KLHL25: variants seen among roughly 807,000 people sequenced by gnomAD.
The protein encoded by KLHL25 is kelch like family member 25, also known as kelch-like protein 25.
KLHL25 carries 41 observed loss-of-function variants against 30.0 expected under a neutral mutation model. The ratio of observed to expected loss-of-function variants is 1.37; its 90% CI spans 1.07 to 1.78. KLHL25 has a LOEUF of 1.78. Ranked by LOEUF, KLHL25 falls within the 40% of genes most tolerant of loss-of-function variation. The probability of loss-of-function intolerance (pLI) is 0.00; values close to 1 mark genes in which losing one functional copy is unlikely to be tolerated. For missense variants in KLHL25, 971 were observed against 824.5 expected, an observed-to-expected ratio of 1.18 and a Z score of -2.18; for synonymous variants, 399 against 355.3, an observed-to-expected ratio of 1.12 and a Z score of -1.38.
In KLHL25 at chr15:85,769,239, T is replaced by C. The variant is rs1446971144; in HGVS notation, c.572A>G (p.Asp191Gly). ...QSEDFNSLSK[D>G]TLLDLISSDE... ...ACTCGAGATGAGGTCCAGCAGTGTG[T>C]CCTTGGACAGGCTGTTGAAGTCCTC... Residue 191 changes from aspartate (D) to glycine (G), a missense_variant, in exon 2 of 3, where the codon GAC becomes GGC. By Grantham distance (94) the Asp-to-Gly change is moderately conservative. Coordinates refer to ENST00000337975, the MANE Select transcript of KLHL25 (RefSeq NM_022480.4). 2 of 1,613,842 alleles carry C rather than the reference T, an allele frequency of 1.2e-6. No individual in the cohort carries two copies. The highest frequency in any genetic ancestry group is 4.5e-5 in the East Asian group (2 of 44,878).
At chr15:85,788,324 C>A (rs2089794644) in intron 1 of KLHL25, among the ~76,000 whole-genome samples, 1 of 152,162 alleles carries the variant, frequency 6.6e-6, no homozygotes, top group South Asian at 2.1e-4. Context: ...CCCAGAGAGG[C>A]CTTCCTTGAC....
intron 1 of KLHL25, among the ~76,000 whole-genome samples, chr15:85,783,535 T>C (rs2089758966): frequency 1.3e-5 from 2 of 151,800 alleles, no homozygotes; most frequent in Admixed American, 6.5e-5. Context: ...CTACTAAAAA[T>C]AGAAAAATTA....
intron 1 of KLHL25, among the ~76,000 whole-genome samples, chr15:85,782,319 C>G (rs867729820): frequency 1.3e-5 from 2 of 152,014 alleles, no homozygotes; most frequent in Admixed American, 1.3e-4. Context: ...CCCAGTCTTG[C>G]GTCACCACTG....
At chr15:85,773,945 A>G (rs2614656) in intron 1 of KLHL25, among the ~76,000 whole-genome samples, 87,093 of 151,830 alleles carry the variant, frequency 0.57, 25,435 homozygotes, top group Middle Eastern at 0.69. Context: ...GGTCTTAGCT[A>G]TGTGTCCCTC....
chr15:85,781,927 G>A (rs557799576), intron 1 of KLHL25, among the ~76,000 whole-genome samples: 1 of 152,034 alleles, frequency 6.6e-6, no homozygotes, highest in Non-Finnish European at 1.5e-5. Flanking sequence ...TGTCACCGGA[G>A]GCAGCTGGAC....
intron 2 of KLHL25, among the ~76,000 whole-genome samples, chr15:85,765,145 C>T (rs942110972): frequency 7.9e-5 from 12 of 152,138 alleles, no homozygotes; most frequent in African/African-American, 2.9e-4. Flanking sequence ...CCTCACACTG[C>T]CCAGCCCGGC....
At position 85,790,976 on chromosome 15, in the gene KLHL25, TG is replaced by T. The variant is rs530355284; in HGVS notation, c.-11+3789del. Among the ~76,000 whole-genome samples the T allele has an allele frequency of 3.2e-3, 481 of 148,424 alleles. 4 individuals are homozygous for T. Among genetic ancestry groups the T allele is most frequent in the Middle Eastern group, 0.011 (3 of 284 alleles). ...CAGCACTTTGGGATGCCAAGGCAGGTGGATCACGAGGTCAGGAGTTCAAGAC... is the reference window on the plus strand; with the variant it reads ...CAGCACTTTGGGATGCCAAGGCAGGTGATCACGAGGTCAGGAGTTCAAGAC... On this transcript the variant is annotated intron_variant, in intron 1 of 2. Coordinates refer to ENST00000337975, the MANE Select transcript of KLHL25 (RefSeq NM_022480.4).
Position 85,768,226 on chromosome 15 carries a change from T to C in KLHL25, c.1585A>G (p.Met529Val). ...TRIGDMTAKR[M>V]SCHALASGNK... ...CCGGAAGCCAGGGCATGGCAGGACA[T>C]GCGCTTGGCAGTCATGTCCCCAATC... Residue 529 changes from methionine (M) to valine (V), a missense_variant, in exon 2 of 3, where the codon ATG (methionine) becomes GTG (valine). By Grantham distance (21) the Met-to-Val change is conservative. Coordinates refer to ENST00000337975, the MANE Select transcript of KLHL25 (RefSeq NM_022480.4). The C allele has an allele frequency of 6.2e-7, 1 of 1,614,122 alleles. No homozygotes were observed. The highest frequency in any genetic ancestry group is 8.5e-7 in the Non-Finnish European group (1 of 1,180,040).
chr15:85,783,030 T>TTCCCTGGTGCC (rs1391668528), intron 1 of KLHL25, among the ~76,000 whole-genome samples: 1 of 151,940 alleles, frequency 6.6e-6, no homozygotes, highest in African/African-American at 2.4e-5. Flanking sequence ...CACCTGAGAG[T>TTCCCTGGTGCC]TCCCTGGTGC....
chr15:85,785,008 A>G (rs1174780575), intron 1 of KLHL25, among the ~76,000 whole-genome samples: 2 of 152,188 alleles, frequency 1.3e-5, no homozygotes, highest in Non-Finnish European at 2.9e-5. Flanking sequence ...ATTATCCAAA[A>G]GGAGCAGAAG....
At chr15:85,778,421 C>T (rs551660231) in intron 1 of KLHL25, among the ~76,000 whole-genome samples, 17 of 152,354 alleles carry the variant, frequency 1.1e-4, no homozygotes, top group Non-Finnish European at 2.4e-4. Flanking sequence ...AACAACAGTG[C>T]TAATCACAGT....
Position 85,768,000 on chromosome 15 carries a change from G to C in KLHL25, c.*24+17C>G. The C allele has an allele frequency of 6.5e-7, 1 of 1,536,846 alleles. No individual in the cohort carries two copies. Among genetic ancestry groups the C allele is most frequent in the Non-Finnish European group, 8.9e-7 (1 of 1,124,842 alleles). ...CCTTTCCGGACCCAGAGTGGCCGTG[G>C]GCTGCCAGGGACTCACCTGGCTGGG... On this transcript the variant is annotated intron_variant, in intron 2 of 2. Coordinates refer to ENST00000337975, the MANE Select transcript of KLHL25 (RefSeq NM_022480.4).
chr15:85,782,200 T>A (rs1481600849), intron 1 of KLHL25, among the ~76,000 whole-genome samples: 1 of 152,166 alleles, frequency 6.6e-6, no homozygotes, highest in Non-Finnish European at 1.5e-5. Context: ...AGCAAAAACA[T>A]GGGTGCCCAT....
intron 1 of KLHL25, among the ~76,000 whole-genome samples, chr15:85,782,434 C>T (rs72751898): frequency 0.029 from 4,370 of 151,984 alleles, 88 homozygotes; most frequent in Non-Finnish European, 0.049. Context: ...GAGGCTTTCA[C>T]ATCCAAGCTG....
chr15:85,774,106 G>C (rs370069439), intron 1 of KLHL25, among the ~76,000 whole-genome samples: 9 of 152,184 alleles, frequency 5.9e-5, no homozygotes, highest in South Asian at 2.1e-4. Context: ...CCAGCGGCGG[G>C]GGGTGGGGAG....
intron 1 of KLHL25, among the ~76,000 whole-genome samples, chr15:85,788,706 C>T (rs1215201676): frequency 2.0e-5 from 3 of 152,174 alleles, no homozygotes; most frequent in Non-Finnish European, 2.9e-5. Flanking sequence ...TTGAACCTGA[C>T]TTTCTTTCCT....
chr15:85,776,032 G>C (rs866470830), intron 1 of KLHL25, among the ~76,000 whole-genome samples: 2 of 151,122 alleles, frequency 1.3e-5, no homozygotes, highest in Non-Finnish European at 2.9e-5. Context: ...AATTACCCGG[G>C]CATGTTGGCG....
At chr15:85,766,688 G>A (rs1444618323) in intron 2 of KLHL25, among the ~76,000 whole-genome samples, 1 of 152,038 alleles carries the variant, frequency 6.6e-6, no homozygotes, top group African/African-American at 2.4e-5. Flanking sequence ...AGTGCCTTCC[G>A]TGTCACCTGT....
At chr15:85,785,276 G>A (rs2089773808) in intron 1 of KLHL25, among the ~76,000 whole-genome samples, 1 of 151,934 alleles carries the variant, frequency 6.6e-6, no homozygotes, top group Admixed American at 6.6e-5. Context: ...TGTATTTTTA[G>A]TAGAGACGAG....
Sources: allele counts gnomAD v4.1 joint callset (sites outside exome capture counted in the v4.1 genomes callset), GRCh38; gene constraint gnomAD v4.1.1; transcripts MANE v1.5; gene names NCBI Gene and HGNC (gene_info 2026-07-23, HGNC 2026-07-21).